Variants in FCHSD2 observed in about 807,000 individuals in gnomAD.
FCHSD2 encodes the protein F-BAR and double SH3 domains protein 2.
A neutral mutation model predicts 108.1 loss-of-function variants in FCHSD2; 38 were observed. That is an observed-to-expected ratio of 0.35 (90% CI 0.27 to 0.46). The LOEUF is 0.46. FCHSD2 is among the 20% of genes least tolerant of loss of function. FCHSD2 has a pLI of 1.00. For missense variants in FCHSD2, 751 were observed against 897.8 expected, an observed-to-expected ratio of 0.84 and a Z score of 2.09; for synonymous variants, 279 against 314.7, an observed-to-expected ratio of 0.89 and a Z score of 1.20.
intron 10 of FCHSD2, among the ~76,000 whole-genome samples, chr11:72,900,734 T>A (rs1855510217): frequency 6.6e-6 from 1 of 151,768 alleles, no homozygotes. Context: ...AAATGCTGAT[T>A]TCCTACATTT....
At chr11:73,045,144 G>A (rs1244241683) in intron 3 of FCHSD2, among the ~76,000 whole-genome samples, 1 of 151,746 alleles carries the variant, frequency 6.6e-6, no homozygotes, top group East Asian at 1.9e-4. Context: ...AGACATTTAT[G>A]CAGCCAAAAA....
chr11:72,964,994 T>G (rs1856880787), intron 8 of FCHSD2, among the ~76,000 whole-genome samples: 1 of 152,062 alleles, frequency 6.6e-6, no homozygotes, highest in Non-Finnish European at 1.5e-5. Flanking sequence ...TTTCACTGTG[T>G]TAGCCAGGAT....
chr11:72,986,571 A>T (rs1857316494), intron 6 of FCHSD2, among the ~76,000 whole-genome samples: 1 of 152,192 alleles, frequency 6.6e-6, no homozygotes, highest in Admixed American at 6.5e-5. Context: ...TAAAGGCCAC[A>T]AACTCAAATC....
chr11:72,889,229 G>A (rs1222113385), intron 11 of FCHSD2, among the ~76,000 whole-genome samples: 2 of 152,090 alleles, frequency 1.3e-5, no homozygotes, highest in Non-Finnish European at 2.9e-5. Context: ...CCAAAGTGCT[G>A]GGATTACAGG....
In FCHSD2 at chr11:73,015,880, C is replaced by T; in HGVS notation, c.171G>A (p.Met57Ile). Residue 57 changes from methionine (M) to isoleucine (I), a missense_variant, in exon 4 of 20, where the codon ATG becomes ATA. By Grantham distance (10) the Met-to-Ile change is conservative (BLOSUM62 1). Transcript: ENST00000409418. ...TCAGGTATTGACTAGCCAACTTCTG[C>T]ATACCCTGTTAAAAAATACATATTT... ...AAIEREYAQG[M>I]QKLASQYLKR... 7 of 1,576,160 alleles carry T rather than the reference C, an allele frequency of 4.4e-6. No individual in the cohort carries two copies. The highest frequency in any genetic ancestry group is 6.1e-6 in the Non-Finnish European group (7 of 1,153,732).
intron 2 of FCHSD2, among the ~76,000 whole-genome samples, chr11:73,102,871 G>A (rs1860256511): frequency 6.6e-6 from 1 of 151,804 alleles, no homozygotes; most frequent in Non-Finnish European, 1.5e-5. Context: ...AGCACAAAGT[G>A]GACTAAGACA....
chr11:73,045,069 C>T (rs925776046), intron 3 of FCHSD2, among the ~76,000 whole-genome samples: 1 of 99,650 alleles, frequency 1.0e-5, no homozygotes, highest in Non-Finnish European at 2.1e-5. Context: ...GACTCCATCT[C>T]AAAAAAAAAA....
chr11:72,848,584 T>C (rs1201640017), intron 14 of FCHSD2, among the ~76,000 whole-genome samples: 1 of 152,234 alleles, frequency 6.6e-6, no homozygotes, highest in Non-Finnish European at 1.5e-5. Flanking sequence ...AGAGATGTCA[T>C]ATTCATTCTG....
At chr11:73,022,257 T>C (rs1395492018) in intron 3 of FCHSD2, among the ~76,000 whole-genome samples, 2 of 152,136 alleles carry the variant, frequency 1.3e-5, no homozygotes, top group Non-Finnish European at 2.9e-5. Flanking sequence ...CTGGAAGCCC[T>C]ACTTAGTACA....
intron 8 of FCHSD2, among the ~76,000 whole-genome samples, chr11:72,956,860 T>C (rs965607166): frequency 6.6e-6 from 1 of 151,598 alleles, no homozygotes; most frequent in African/African-American, 2.4e-5. Flanking sequence ...AGACACCAAA[T>C]TGACTAGGTG....
intron 12 of FCHSD2, among the ~76,000 whole-genome samples, chr11:72,882,014 G>A (rs541235869): frequency 6.6e-6 from 1 of 152,234 alleles, no homozygotes; most frequent in African/African-American, 2.4e-5. Context: ...GTGTGGTGGC[G>A]GGCGCCTGTA....
chr11:72,850,008 G>A, intron 13 of FCHSD2, 119 bp from the exon 14 acceptor site: 1 of 606,686 alleles, frequency 1.6e-6, no homozygotes, highest in Non-Finnish European at 2.8e-6. Context: ...ACTCTGCATA[G>A]AAATGACTAT....
In FCHSD2 at chr11:72,843,152, A is replaced by T. The variant is rs772574751; in HGVS notation, c.1704T>A (p.Ser568Arg). Residue 568 changes from serine to arginine, a missense_variant and splice_region_variant, in exon 16 of 20, where the codon AGT becomes AGA. Physicochemically the swap from Ser to Arg is moderately radical, Grantham distance 110. Transcript: ENST00000409418. ...LVSGSLNGDA[S>R]VCFVKALYDY... ...AGAGTGCCTTGTTTCAGTCTTTACC[A>T]CTGGCATCTCCGTTGAGGCTGCCTG... is the stretch of plus-strand genomic sequence containing the variant. The T allele has an allele frequency of 2.5e-6, 4 of 1,613,820 alleles. No homozygotes were observed. In the South Asian group the frequency reaches 3.3e-5, roughly 13 times the overall value.
chr11:72,942,779 T>C (rs1856445582), intron 8 of FCHSD2, among the ~76,000 whole-genome samples: 1 of 152,212 alleles, frequency 6.6e-6, no homozygotes, highest in South Asian at 2.1e-4. Flanking sequence ...TGTGAAGTCA[T>C]ATCTCACTGT....
chr11:72,988,351 T>C (rs1278652639), intron 6 of FCHSD2, among the ~76,000 whole-genome samples: 1 of 152,208 alleles, frequency 6.6e-6, no homozygotes, highest in Non-Finnish European at 1.5e-5. Context: ...TCACCTTCTA[T>C]TACCAGTTGC....
intron 2 of FCHSD2, among the ~76,000 whole-genome samples, chr11:73,131,445 C>T (rs528588470): frequency 1.3e-5 from 2 of 151,920 alleles, no homozygotes; most frequent in East Asian, 3.9e-4. Context: ...AGGAGAATGG[C>T]GTGAAACCAG....
At chr11:72,889,713 CAAAT>C (rs1358362198) in intron 11 of FCHSD2, 112 bp downstream of exon 11, 1 of 650,412 alleles carries the variant, frequency 1.5e-6, no homozygotes, top group Non-Finnish European at 2.7e-6. Context: ...CCTCTTGTCT[CAAAT>C]AAAACAAAAC....
At chr11:72,904,057 AC>A (rs1467822672) in intron 9 of FCHSD2, among the ~76,000 whole-genome samples, 2 of 152,242 alleles carry the variant, frequency 1.3e-5, no homozygotes, top group Non-Finnish European at 2.9e-5. Flanking sequence ...TAATTAAAAT[AC>A]ACCACGGAGT....
intron 2 of FCHSD2, among the ~76,000 whole-genome samples, chr11:73,092,150 T>C (rs189719184): frequency 6.6e-6 from 1 of 152,108 alleles, no homozygotes; most frequent in East Asian, 1.9e-4. Context: ...TTTTTAGAGG[T>C]AGGGTCTTGC....
Sources: allele counts gnomAD v4.1 joint callset (sites outside exome capture counted in the v4.1 genomes callset), GRCh38; gene constraint gnomAD v4.1.1; transcripts MANE v1.5; gene names NCBI Gene and HGNC (gene_info 2026-07-23, HGNC 2026-07-21).